LEPR: variants seen among roughly 807,000 people sequenced by gnomAD.
LEPR encodes OB receptor.
LEPR carries 56 observed loss-of-function variants against 114.7 expected under a neutral mutation model. The ratio of observed to expected loss-of-function variants is 0.49; its 90% confidence interval spans 0.39 to 0.61. The LOEUF (loss-of-function observed/expected upper bound fraction) is 0.61, where lower values mean the gene tolerates loss of function less well. Ranked by LOEUF, LEPR falls within the 20% of genes least tolerant of loss-of-function variation. The pLI is 0.00. For missense variants in LEPR, 1,202 were observed against 1,352.9 expected (o/e 0.89, Z 1.75); for synonymous variants, 443 against 461.4 (o/e 0.96, Z 0.51).
chr1:65,435,713 T>C (rs1477356533), intron 2 of LEPR: 2 of 985,280 alleles, frequency 2.0e-6, no homozygotes, highest in Non-Finnish European at 2.4e-6. Flanking sequence ...TGTATCCCAA[T>C]AGAACCAAAA....
At chr1:65,501,367 C>T (rs796836900) in intron 2 of LEPR, among the ~76,000 whole-genome samples, 12 of 151,768 alleles carry the variant, frequency 7.9e-5, no homozygotes, top group African/African-American at 2.9e-4. Context: ...GGCAGCATAA[C>T]TCTAATCTCT....
chr1:65,560,889 A>C (rs11652285), intron 2 of LEPR, among the ~76,000 whole-genome samples: 1 of 34,310 alleles, frequency 2.9e-5, no homozygotes, highest in East Asian at 2.6e-4. Context: ...GCCTTGCATC[A>C]CAGGGATGAA....
intron 2 of LEPR, among the ~76,000 whole-genome samples, chr1:65,517,495 A>G (rs548289708): frequency 1.3e-5 from 2 of 152,334 alleles, no homozygotes; most frequent in East Asian, 3.9e-4. Flanking sequence ...ATGTGGGCAA[A>G]GTAAGTAAAG....
At chr1:65,478,394 A>C (rs564297925) in intron 2 of LEPR, among the ~76,000 whole-genome samples, 1 of 152,326 alleles carries the variant, frequency 6.6e-6, no homozygotes, top group African/African-American at 2.4e-5. Context: ...ACACTGGTTA[A>C]TTATGGTAGG....
chr1:65,589,240 A>G (rs1655523015), intron 5 of LEPR, among the ~76,000 whole-genome samples: 1 of 151,956 alleles, frequency 6.6e-6, no homozygotes, highest in Admixed American at 6.6e-5. Flanking sequence ...ACTGTGTAAC[A>G]TTTTGCCTAT....
chr1:65,461,375 C>G (rs1225288403), intron 2 of LEPR, among the ~76,000 whole-genome samples: 1 of 151,906 alleles, frequency 6.6e-6, no homozygotes, highest in African/African-American at 2.4e-5. Context: ...AAACATAGGC[C>G]TAAGGTACCA....
At chr1:65,628,333 G>A (rs566500839) in intron 19 of LEPR, among the ~76,000 whole-genome samples, 1 of 152,012 alleles carries the variant, frequency 6.6e-6, no homozygotes, top group Non-Finnish European at 1.5e-5. Context: ...AAAACTTTCT[G>A]CATTTTCTTC....
chr1:65,444,489 G>T (rs1019919091), intron 2 of LEPR, among the ~76,000 whole-genome samples: 1 of 150,624 alleles, frequency 6.6e-6, no homozygotes, highest in Middle Eastern at 3.2e-3. Context: ...ACATGTGCAT[G>T]TGATAAATGT....
chr1:65,456,025 G>T (rs957792970), intron 2 of LEPR, among the ~76,000 whole-genome samples: 1 of 152,134 alleles, frequency 6.6e-6, no homozygotes, highest in African/African-American at 2.4e-5. Context: ...ACAGTATTCG[G>T]GTGGGAGTGA....
intron 2 of LEPR, among the ~76,000 whole-genome samples, chr1:65,437,106 C>G (rs1194449431): frequency 6.6e-6 from 1 of 152,190 alleles, no homozygotes; most frequent in African/African-American, 2.4e-5. Context: ...TGTTAAAATC[C>G]ACTTAACCAC....
chr1:65,545,527 T>C (rs1009077768), intron 2 of LEPR, among the ~76,000 whole-genome samples: 4 of 151,936 alleles, frequency 2.6e-5, no homozygotes, highest in African/African-American at 4.8e-5. Context: ...TATCTCATTG[T>C]GGTTTTGATT....
chr1:65,587,237 G>A (rs1371550669), intron 5 of LEPR, among the ~76,000 whole-genome samples: 1 of 151,950 alleles, frequency 6.6e-6, no homozygotes, highest in African/African-American at 2.4e-5. Context: ...ATAATACCTT[G>A]CAAGAATGTT....
At chr1:65,619,117 T>C (rs1024756934) in intron 16 of LEPR, among the ~76,000 whole-genome samples, 4 of 152,204 alleles carry the variant, frequency 2.6e-5, no homozygotes, top group East Asian at 1.9e-4. Flanking sequence ...GATCTTATTA[T>C]ACAATATCAT....
At chr1:65,453,077 G>A (rs1301658394) in intron 2 of LEPR, among the ~76,000 whole-genome samples, 2 of 152,080 alleles carry the variant, frequency 1.3e-5, no homozygotes, top group South Asian at 2.1e-4. Flanking sequence ...AGAGGTGTTT[G>A]TAGTATTCTC....
At chr1:65,502,817 A>G (rs1208788316) in intron 2 of LEPR, among the ~76,000 whole-genome samples, 1 of 151,768 alleles carries the variant, frequency 6.6e-6, no homozygotes, top group East Asian at 1.9e-4. Context: ...GACAACATCA[A>G]GAAGCCAGTG....
intron 2 of LEPR, among the ~76,000 whole-genome samples, chr1:65,427,519 A>G (rs777279308): frequency 2.0e-5 from 3 of 152,118 alleles, no homozygotes; most frequent in Non-Finnish European, 2.9e-5. Flanking sequence ...TGATCACACC[A>G]CTGCAGTCCA....
intron 2 of LEPR, among the ~76,000 whole-genome samples, chr1:65,550,343 AC>A (rs1652206660): frequency 6.6e-6 from 1 of 152,120 alleles, no homozygotes; most frequent in South Asian, 2.1e-4. Context: ...GCTCTCTTCA[AC>A]GCTGTCAGAC....
chr1:65,539,013 T>C (rs1162739289), intron 2 of LEPR, among the ~76,000 whole-genome samples: 1 of 151,776 alleles, frequency 6.6e-6, no homozygotes. Context: ...GATTTGGGTC[T>C]CTTGGATTTA....
In LEPR at chr1:65,592,786, T is replaced by C. The variant is rs778157047; in HGVS notation, c.624T>C (p.Thr208=). The C allele has an allele frequency of 6.2e-6, 10 of 1,613,240 alleles. 1 individual carries two copies. The South Asian group carries it at 1.1e-4, about 18-fold the overall frequency. Residue 208 remains threonine, a synonymous_variant, in exon 6 of 20, where the codon ACT becomes ACC. Coordinates refer to ENST00000349533, the MANE Select transcript of LEPR (RefSeq NM_002303.6). ...VPVPTAKLND[T]LLMCLKITSG... The stretch of plus-strand genomic sequence containing the variant: ...TGCCAACAGCCAAACTCAACGACAC[T>C]CTCCTTATGTGTTTGAAAATCACAT...
Sources: allele counts gnomAD v4.1 joint callset (sites outside exome capture counted in the v4.1 genomes callset), GRCh38; gene constraint gnomAD v4.1.1; transcripts MANE v1.5; gene names NCBI Gene and HGNC (gene_info 2026-07-23, HGNC 2026-07-21).